Variants in MFSD8 observed in about 807,000 individuals in gnomAD.
The protein encoded by MFSD8 is major facilitator superfamily domain containing 8.
In MFSD8, 55 loss-of-function variants were observed where a neutral mutation model predicts 66.4. That is an observed-to-expected ratio of 0.83 (90% CI 0.67 to 1.04). MFSD8 has a LOEUF of 1.04. Ranked by LOEUF, MFSD8 falls within the 50% of genes least tolerant of loss-of-function variation. The probability of loss-of-function intolerance (pLI) is 0.00; values close to 1 mark genes in which losing one functional copy is unlikely to be tolerated. For synonymous variants in MFSD8, 202 were observed against 212.8 expected (o/e 0.95, Z 0.44); for missense variants, 550 against 627.6 (o/e 0.88, Z 1.32).
rs144819137 is a variant in MFSD8, at chr4:127,959,663, C to T, written c.63-2071G>A. Among the ~76,000 whole-genome samples, 561 of 152,192 alleles carry T rather than the reference C, an allele frequency of 3.7e-3. 5 individuals carry two copies. Among genetic ancestry groups the T allele is most frequent in the Non-Finnish European group, 6.4e-3 (432 of 68,018 alleles). On this transcript the variant is annotated intron_variant, in intron 1 of 11. Coordinates refer to ENST00000641686, the MANE Select transcript of MFSD8 (RefSeq NM_001371596.2). Reference sequence around the variant, plus strand: ...TGTGTATGTACCTGCCGAAAGATTTCGGCAGTGTGGAAAAGGCTAACAGTT... The same window carrying T: ...TGTGTATGTACCTGCCGAAAGATTTTGGCAGTGTGGAAAAGGCTAACAGTT...
At chr4:127,921,375 G>A in intron 11 of MFSD8, 149 bp downstream of exon 11, 1 of 1,285,998 alleles carries the variant, frequency 7.8e-7, no homozygotes. Context: ...GAACTTTATA[G>A]AAGTTGTGGG....
intron 3 of MFSD8, among the ~76,000 whole-genome samples, chr4:127,947,395 T>C (rs1258508316): frequency 2.6e-5 from 4 of 151,720 alleles, no homozygotes; most frequent in African/African-American, 9.7e-5. Flanking sequence ...CTGGCCGGTA[T>C]GGTGAAACCC....
chr4:127,930,997 G>A (rs1440050715), intron 8 of MFSD8, among the ~76,000 whole-genome samples, 180 bp from the exon 9 acceptor site: 1 of 152,128 alleles, frequency 6.6e-6, no homozygotes, highest in Non-Finnish European at 1.5e-5. Context: ...ACATACCTAA[G>A]TTACTAAGTC....
chr4:127,944,401 AT>A (rs957277136), intron 3 of MFSD8, among the ~76,000 whole-genome samples: 1 of 152,040 alleles, frequency 6.6e-6, no homozygotes, highest in Non-Finnish European at 1.5e-5. Flanking sequence ...GCTGTAAATC[AT>A]TTTTTTTAAA....
chr4:127,965,028 A>G, intron 1 of MFSD8, 44 bp downstream of exon 1: 1 of 1,604,708 alleles, frequency 6.2e-7, no homozygotes, highest in Non-Finnish European at 8.5e-7. Flanking sequence ...ACCAGTCCCA[A>G]CAGCGCAGGA....
intron 8 of MFSD8, 117 bp downstream of exon 8, chr4:127,932,868 A>G: frequency 1.3e-6 from 1 of 786,430 alleles, no homozygotes; most frequent in East Asian, 2.7e-5. Flanking sequence ...ACATCATGGT[A>G]AGAAAAATTT....
At chr4:127,937,743 T>C (rs998645900) in intron 7 of MFSD8, among the ~76,000 whole-genome samples, 4 of 152,226 alleles carry the variant, frequency 2.6e-5, no homozygotes, top group African/African-American at 9.6e-5. Context: ...ATGGAATCAA[T>C]GTCAAACTTC....
At chr4:127,930,600 CT>C (rs1288604147) in intron 9 of MFSD8, 82 bp downstream of exon 9, 9 of 1,429,726 alleles carry the variant, frequency 6.3e-6, no homozygotes, top group Non-Finnish European at 8.7e-6. Flanking sequence ...AATTATTTTC[CT>C]GGTATATCCA....
chr4:127,956,813 C>T (rs1448777535), intron 2 of MFSD8, among the ~76,000 whole-genome samples: 10 of 134,518 alleles, frequency 7.4e-5, no homozygotes, highest in South Asian at 2.2e-4. Flanking sequence ...AGTGAAACTC[C>T]GTCTCAAAAA....
Position 127,920,584 on chromosome 4 carries a change from AG to A in MFSD8, c.*45del. ...CAATTGTCTAGCAGAGCTTTAGACC[AG>A]GAAGTGCCACACAGCAAGTAGTTTC... On this transcript the variant is annotated 3_prime_UTR_variant, in exon 12 of 12. Transcript: ENST00000641686. 1.9e-6 allele frequency: 3 copies of A among 1,593,152 alleles called. No individual in the cohort carries two copies. The highest frequency in any genetic ancestry group is 2.6e-6 in the Non-Finnish European group (3 of 1,162,174).
chr4:127,920,920 A>T, intron 11 of MFSD8, 84 bp from the exon 12 acceptor site: 1 of 1,285,932 alleles, frequency 7.8e-7, no homozygotes, highest in South Asian at 1.3e-5. Flanking sequence ...ACCAAACTAC[A>T]GCAAACTTAC....
chr4:127,931,360 T>C (rs1335308229), intron 8 of MFSD8, among the ~76,000 whole-genome samples: 1 of 152,164 alleles, frequency 6.6e-6, no homozygotes, highest in Non-Finnish European at 1.5e-5. Flanking sequence ...TATTGTTTAT[T>C]ACTATTATTT....
intron 1 of MFSD8, among the ~76,000 whole-genome samples, chr4:127,959,264 C>A (rs1288794683): frequency 6.6e-6 from 1 of 152,146 alleles, no homozygotes; most frequent in Non-Finnish European, 1.5e-5. Flanking sequence ...GACCTAGACT[C>A]TTCAAAGATT....
chr4:127,922,641 G>A (rs778191051), intron 9 of MFSD8, among the ~76,000 whole-genome samples: 3 of 151,734 alleles, frequency 2.0e-5, no homozygotes, highest in Non-Finnish European at 2.9e-5. Context: ...AAAAAAAAGT[G>A]TTATAATCTA....
At chr4:127,934,197 G>A (rs892960856) in intron 7 of MFSD8, among the ~76,000 whole-genome samples, 4 of 152,116 alleles carry the variant, frequency 2.6e-5, no homozygotes, top group African/African-American at 9.7e-5. Flanking sequence ...AGCCAAGATT[G>A]AGCCACTGCA....
At chr4:127,929,549 C>T (rs1301468313) in intron 9 of MFSD8, among the ~76,000 whole-genome samples, 1 of 151,172 alleles carries the variant, frequency 6.6e-6, no homozygotes, top group African/African-American at 2.4e-5. Context: ...GATCACTCCA[C>T]TCCACTCCAT....
At chr4:127,949,656 T>G (rs1741615766) in intron 3 of MFSD8, 148 bp downstream of exon 3, 1 of 674,878 alleles carries the variant, frequency 1.5e-6, no homozygotes, top group African/African-American at 1.8e-5. Flanking sequence ...TCACATTACT[T>G]ATAAGCCTCT....
chr4:127,939,897 G>A lies in MFSD8; in HGVS notation c.654C>T (p.Ala218=), dbSNP rs766992766. Residue 218 remains alanine (A), a synonymous_variant, in exon 6 of 12, where the codon GCC becomes GCT. Transcript: ENST00000641686. The part of the protein sequence containing the change: ...NMYTTPVLLS[A]FLGILNIILI... ...GAATAATATTTAAAATTCCCAGGAA[G>A]GCGCTAAGTAAAACTGGTGTTGTAT... is the stretch of plus-strand genomic sequence containing the variant. 2.5e-6 allele frequency: 4 copies of A among 1,613,442 alleles called. No individual in the cohort carries two copies. The East Asian group carries it at 8.9e-5, about 36-fold the overall frequency.
At chr4:127,937,189 A>G (rs1274769623) in intron 7 of MFSD8, among the ~76,000 whole-genome samples, 1 of 152,148 alleles carries the variant, frequency 6.6e-6, no homozygotes, top group African/African-American at 2.4e-5. Flanking sequence ...GGTGACTCAT[A>G]AATTTTTATC....
Sources: allele counts gnomAD v4.1 joint callset (sites outside exome capture counted in the v4.1 genomes callset), GRCh38; gene constraint gnomAD v4.1.1; transcripts MANE v1.5; gene names NCBI Gene and HGNC (gene_info 2026-07-23, HGNC 2026-07-21).